TSPAN14: variants seen among roughly 807,000 people sequenced by gnomAD.
The protein encoded by TSPAN14 is tetraspanin-14.
Under a neutral mutation model 36.6 loss-of-function variants are expected in TSPAN14, and 16 were observed. That is an observed-to-expected ratio of 0.44 (90% CI 0.30 to 0.66). The LOEUF (loss-of-function observed/expected upper bound fraction) is 0.66, where lower values mean the gene tolerates loss of function less well. Among genes scored for constraint, TSPAN14 ranks in the 30% least tolerant of loss-of-function variants. The pLI is 0.12. For missense variants in TSPAN14, 231 were observed against 355.1 expected (o/e 0.65, Z 2.81); for synonymous variants, 139 against 143.8 (o/e 0.97, Z 0.24).
In TSPAN14 at chr10:80,469,473, G is replaced by T. The variant is rs908448015; in HGVS notation, c.-18+15102G>T. On this transcript the variant is annotated intron_variant, in intron 1 of 8. Transcript: ENST00000429989. The stretch of plus-strand genomic sequence containing the variant: ...GCACATCCCCTGCATTCTGGCGAAG[G>T]TTGGGGCTTTGTGGGGAAGAGCTTG... 2.6e-5 allele frequency among the ~76,000 whole-genome samples: 4 copies of T among 152,154 alleles called. No individual in the cohort carries two copies. In the East Asian group the frequency reaches 5.8e-4, roughly 22 times the overall value.
chr10:80,507,240 G>A (rs1840350771), exon 4 of TSPAN14: 5 of 1,614,192 alleles, frequency 3.1e-6, no homozygotes, highest in East Asian at 2.2e-5. Context: ...TGTGCTGTCC[G>A]ACCTCACCAA....
chr10:80,494,481 C>T (rs1848086341), intron 2 of TSPAN14, among the ~76,000 whole-genome samples: 1 of 152,190 alleles, frequency 6.6e-6, no homozygotes, highest in African/African-American at 2.4e-5. Flanking sequence ...GGAAGACAAG[C>T]CCAAGGTGGA....
chr10:80,514,426 C>T (rs1840822285), intron 7 of TSPAN14, among the ~76,000 whole-genome samples: 1 of 152,116 alleles, frequency 6.6e-6, no homozygotes, highest in Non-Finnish European at 1.5e-5. Context: ...AGTGTAGGTG[C>T]CTTGTTCTGG....
At chr10:80,484,240 T>TAA (rs754254301) in intron 1 of TSPAN14, among the ~76,000 whole-genome samples, 3 of 145,964 alleles carry the variant, frequency 2.1e-5, no homozygotes, top group African/African-American at 2.5e-5. Context: ...AGGACTTGTT[T>TAA]AAAAAAAAAA....
intron 2 of TSPAN14, among the ~76,000 whole-genome samples, chr10:80,493,429 G>A (rs1181292183): frequency 6.6e-6 from 1 of 152,208 alleles, no homozygotes; most frequent in Non-Finnish European, 1.5e-5. Flanking sequence ...CTGAAAGCAG[G>A]ATCTCGAAGA....
intron 2 of TSPAN14, among the ~76,000 whole-genome samples, chr10:80,495,143 A>G (rs1398647993): frequency 6.6e-6 from 1 of 152,178 alleles, no homozygotes; most frequent in East Asian, 1.9e-4. Context: ...ATAAGGATGC[A>G]GTGATTAGTT....
intron 1 of TSPAN14, among the ~76,000 whole-genome samples, chr10:80,477,684 C>G (rs1347506421): frequency 2.0e-5 from 3 of 152,186 alleles, no homozygotes; most frequent in Admixed American, 2.0e-4. Flanking sequence ...TCCTTTCCTT[C>G]CACCGTGATG....
At chr10:80,508,256 C>T (rs1451215224) in intron 4 of TSPAN14, among the ~76,000 whole-genome samples, 1 of 151,976 alleles carries the variant, frequency 6.6e-6, no homozygotes, top group Non-Finnish European at 1.5e-5. Context: ...GCTGGGACTA[C>T]AGGCGCCCGC....
intron 1 of TSPAN14, among the ~76,000 whole-genome samples, 177 bp from the exon 2 acceptor site, chr10:80,489,040 A>T (rs1463795275): frequency 6.6e-6 from 1 of 152,184 alleles, no homozygotes; most frequent in Admixed American, 6.5e-5. Flanking sequence ...TGGAGAGCTG[A>T]TTTAACCTGA....
chr10:80,460,534 C>G lies in TSPAN14; in HGVS notation c.-18+6163C>G, dbSNP rs78974061. On this transcript the variant is annotated intron_variant, in intron 1 of 8. Transcript: ENST00000429989. ...GGCAGTGTCCTGTCCATTCTTCTTGCACTGGCCTGTCCCTCAGGAGACAGG... is the reference window on the plus strand; with the variant it reads ...GGCAGTGTCCTGTCCATTCTTCTTGGACTGGCCTGTCCCTCAGGAGACAGG... 4.4e-3 allele frequency among the ~76,000 whole-genome samples: 669 copies of G among 152,286 alleles called. 20 individuals are homozygous for G. The East Asian group carries it at 0.051, about 12-fold the overall frequency.
chr10:80,520,950 C>T (rs1023937152), exon 9 of TSPAN14: 17 of 437,972 alleles, frequency 3.9e-5, no homozygotes, highest in South Asian at 1.6e-4. Flanking sequence ...CACCAGCCTC[C>T]GGGGAATCCC....
chr10:80,499,538 C>A (rs1006220983), intron 2 of TSPAN14, among the ~76,000 whole-genome samples: 2 of 151,950 alleles, frequency 1.3e-5, no homozygotes, highest in African/African-American at 4.8e-5. Flanking sequence ...GTGTGAGTGC[C>A]CGTGTGTGGA....
intron 4 of TSPAN14, among the ~76,000 whole-genome samples, chr10:80,508,124 T>C (rs1360384326): frequency 1.4e-5 from 2 of 148,034 alleles, no homozygotes; most frequent in Non-Finnish European, 3.0e-5. Context: ...CTTTTCTTTT[T>C]TTTTTTTTTG....
chr10:80,469,153 G>GT (rs942432992), intron 1 of TSPAN14, among the ~76,000 whole-genome samples: 2 of 151,772 alleles, frequency 1.3e-5, no homozygotes, highest in African/African-American at 4.8e-5. Context: ...GGGCATGGGG[G>GT]TGGGGGTAGG....
chr10:80,490,697 A>G (rs1847879730), intron 2 of TSPAN14, among the ~76,000 whole-genome samples: 1 of 152,090 alleles, frequency 6.6e-6, no homozygotes, highest in African/African-American at 2.4e-5. Context: ...AGTGAAGGGG[A>G]TGACTCTTGA....
At chr10:80,472,019 T>A (rs1013718786) in intron 1 of TSPAN14, among the ~76,000 whole-genome samples, 4 of 152,044 alleles carry the variant, frequency 2.6e-5, no homozygotes, top group African/African-American at 9.7e-5. Flanking sequence ...CCTATGTAGC[T>A]GGGACTGCAG....
rs36008947 is a variant in TSPAN14, at chr10:80,501,286, CTTT to C, written c.82-3424_82-3422del. ...TTTACAGCTAATTTTTTTAGAAAAC[CTTT>C]TTTTTTTTTTTTTTTTTAAGAGATG... On this transcript the variant is annotated intron_variant, in intron 2 of 8. Coordinates refer to ENST00000429989, the Ensembl canonical transcript of TSPAN14. Among the ~76,000 whole-genome samples, 479 of 120,582 alleles carry C rather than the reference CTTT, an allele frequency of 4.0e-3. 1 individual carries two copies. Among genetic ancestry groups the C allele is most frequent in the Middle Eastern group, 8.4e-3 (2 of 238 alleles). The allele number at this position is 120,582 out of a possible 152,430, so 79.1% of individuals were successfully genotyped here.
At chr10:80,473,001 T>C (rs534617028) in intron 1 of TSPAN14, among the ~76,000 whole-genome samples, 1 of 152,352 alleles carries the variant, frequency 6.6e-6, no homozygotes, top group Non-Finnish European at 1.5e-5. Flanking sequence ...CCATGGTTTT[T>C]AGTGTGCACC....
At chr10:80,467,256 T>C (rs150951517) in intron 1 of TSPAN14, among the ~76,000 whole-genome samples, 266 of 152,326 alleles carry the variant, frequency 1.7e-3, no homozygotes, top group African/African-American at 6.2e-3. Context: ...GAGCTGTTTT[T>C]CAGGTTTCTC....
Sources: allele counts gnomAD v4.1 joint callset (sites outside exome capture counted in the v4.1 genomes callset), GRCh38; gene constraint gnomAD v4.1.1; transcripts MANE v1.5; gene names NCBI Gene and HGNC (gene_info 2026-07-23, HGNC 2026-07-21).